The following TP63 variants were observed in gnomAD, a reference collection of about 807,000 sequenced individuals.
The protein encoded by TP63 is tumor protein p63, also known as tumor protein 63.
A neutral mutation model predicts 82.8 loss-of-function variants in TP63; 17 were observed. The ratio of observed to expected loss-of-function variants is 0.21; its 90% CI spans 0.14 to 0.31. The LOEUF (loss-of-function observed/expected upper bound fraction) is 0.31. TP63 is among the 10% of genes least tolerant of loss of function. TP63 has a pLI of 1.00. For synonymous variants in TP63, 330 were observed against 321.7 expected (o/e 1.03, Z -0.28); for missense variants, 648 against 895.3 (o/e 0.72, Z 3.52).
intron 1 of TP63, among the ~76,000 whole-genome samples, chr3:189,684,717 G>A (rs1241475995): frequency 6.8e-6 from 1 of 147,972 alleles, no homozygotes; most frequent in African/African-American, 2.5e-5. Flanking sequence ...TGCAACCTCC[G>A]CCTCCCGAGT....
At chr3:189,891,517 A>C (rs1200157868) in intron 13 of TP63, among the ~76,000 whole-genome samples, 2 of 152,190 alleles carry the variant, frequency 1.3e-5, no homozygotes, top group Non-Finnish European at 2.9e-5. Flanking sequence ...GGCATTATCA[A>C]TGGCTATGGG....
At chr3:189,616,248 A>C in the TP63 span, among the ~76,000 whole-genome samples, 1 of 152,212 alleles carries the variant, frequency 6.6e-6, no homozygotes, top group Non-Finnish European at 1.5e-5. Context: ...CATTTCCTGC[A>C]TCCTGCCTTA....
chr3:189,859,875 T>C (rs904902083), intron 4 of TP63, among the ~76,000 whole-genome samples: 5 of 152,180 alleles, frequency 3.3e-5, no homozygotes, highest in South Asian at 2.1e-4. Context: ...CCTTATCACA[T>C]AAGATTATAT....
At chr3:189,709,808 T>G in intron 1 of TP63, among the ~76,000 whole-genome samples, 3 of 152,280 alleles carry the variant, frequency 2.0e-5, no homozygotes, top group Middle Eastern at 3.4e-3. Flanking sequence ...AAGCTACAGT[T>G]AGGGATGATA....
At chr3:189,677,332 T>TTA (rs200175961) in intron 1 of TP63, among the ~76,000 whole-genome samples, 9 of 86,658 alleles carry the variant, frequency 1.0e-4, no homozygotes, top group Admixed American at 1.0e-3. Flanking sequence ...ACACACATAT[T>TTA]TATATATATA....
chr3:189,734,171 CTTT>C (rs57302272), intron 1 of TP63, among the ~76,000 whole-genome samples: 1 of 84,654 alleles, frequency 1.2e-5, no homozygotes, highest in Non-Finnish European at 2.4e-5. Flanking sequence ...TCCCTCCCTT[CTTT>C]TTTTTTTTTT....
chr3:189,810,101 C>T (rs1258203514), intron 4 of TP63, among the ~76,000 whole-genome samples: 3 of 152,156 alleles, frequency 2.0e-5, no homozygotes, highest in Admixed American at 6.5e-5. Flanking sequence ...TGAACATCAG[C>T]TTAAAACTTG....
Position 189,895,957 on chromosome 3 carries a change from A to G in TP63, c.*1455A>G. 4.4e-6 allele frequency: 1 copy of G among 229,758 alleles called. No individual in the cohort carries two copies. The highest frequency in any genetic ancestry group is 8.6e-6 in the Non-Finnish European group (1 of 115,802). The allele number at this position is 229,758 out of a possible 1,614,324, so 14.2% of individuals were successfully genotyped here. ...CATCTCCCTTAGGGACTACCCATAG[A>G]CATGAAAGGTCCCCACAGAGCAAGA... is the stretch of plus-strand genomic sequence containing the variant. On this transcript the variant is annotated 3_prime_UTR_variant, in exon 14 of 14. Coordinates refer to ENST00000264731, the MANE Select transcript of TP63 (RefSeq NM_003722.5).
chr3:189,695,128 A>G (rs954552786), intron 1 of TP63, among the ~76,000 whole-genome samples: 2 of 151,816 alleles, frequency 1.3e-5, no homozygotes, highest in African/African-American at 2.4e-5. Flanking sequence ...AATTATTTGG[A>G]ATTTTTCTGC....
intron 1 of TP63, among the ~76,000 whole-genome samples, chr3:189,695,335 T>C (rs1401674135): frequency 6.6e-6 from 1 of 152,190 alleles, no homozygotes; most frequent in Non-Finnish European, 1.5e-5. Flanking sequence ...TCATATTATT[T>C]TGAGCATGGT....
At chr3:189,620,772 A>T in the TP63 span, among the ~76,000 whole-genome samples, 1 of 152,180 alleles carries the variant, frequency 6.6e-6, no homozygotes, top group African/African-American at 2.4e-5. Context: ...AGCAGAGTGA[A>T]TCCAAGGAGC....
chr3:189,777,586 T>C (rs1723897336), intron 3 of TP63, among the ~76,000 whole-genome samples: 1 of 151,988 alleles, frequency 6.6e-6, no homozygotes. Flanking sequence ...CGATTTCCTC[T>C]TCCTCTTCTA....
intron 3 of TP63, among the ~76,000 whole-genome samples, chr3:189,776,521 G>T (rs1723817970): frequency 6.6e-6 from 1 of 152,208 alleles, no homozygotes; most frequent in African/African-American, 2.4e-5. Flanking sequence ...TAGCAATGAA[G>T]AAATGGATCT....
intron 4 of TP63, among the ~76,000 whole-genome samples, chr3:189,820,743 AG>A (rs1728715418): frequency 6.6e-6 from 1 of 152,254 alleles, no homozygotes; most frequent in Admixed American, 6.5e-5. Context: ...AATATGAGGA[AG>A]AGACCCAAAC....
chr3:189,877,480 G>T (rs1302207903), intron 10 of TP63, among the ~76,000 whole-genome samples: 1 of 152,138 alleles, frequency 6.6e-6, no homozygotes, highest in Non-Finnish European at 1.5e-5. Flanking sequence ...ACATCACTTT[G>T]TTACAGTCTC....
chr3:189,857,213 G>C (rs532149836), intron 4 of TP63, among the ~76,000 whole-genome samples: 1 of 152,222 alleles, frequency 6.6e-6, no homozygotes, highest in East Asian at 1.9e-4. Context: ...TTCAGATACA[G>C]ACATGAACAC....
At chr3:189,662,282 T>A (rs1032282468) in intron 1 of TP63, among the ~76,000 whole-genome samples, 6 of 152,080 alleles carry the variant, frequency 3.9e-5, no homozygotes, top group Non-Finnish European at 8.8e-5. Context: ...TTTATTTATT[T>A]CAAAAAAACT....
intron 3 of TP63, among the ~76,000 whole-genome samples, chr3:189,749,677 C>T (rs1019184424): frequency 2.6e-5 from 4 of 152,056 alleles, no homozygotes; most frequent in East Asian, 1.9e-4. Context: ...AATCCCACTA[C>T]CAAATATTTA....
intron 4 of TP63, among the ~76,000 whole-genome samples, chr3:189,820,353 T>G (rs968581376): frequency 5.9e-5 from 9 of 152,218 alleles, no homozygotes; most frequent in African/African-American, 2.2e-4. Flanking sequence ...GCATTCATAT[T>G]TCAGAACTGA....
Sources: allele counts gnomAD v4.1 joint callset (sites outside exome capture counted in the v4.1 genomes callset), GRCh38; gene constraint gnomAD v4.1.1; transcripts MANE v1.5; gene names NCBI Gene and HGNC (gene_info 2026-07-23, HGNC 2026-07-21).